The following EVI5 variants were observed in gnomAD, a reference collection of about 807,000 sequenced individuals.
EVI5 encodes the protein ecotropic viral integration site 5, also known as ecotropic viral integration site 5 protein homolog.
In EVI5, 73 loss-of-function variants were observed where a neutral mutation model predicts 112.0. The ratio of observed to expected loss-of-function variants is 0.65; its 90% CI spans 0.54 to 0.79. EVI5 has a LOEUF of 0.79. EVI5 is among the 30% of genes least tolerant of loss of function. EVI5 has a pLI of 0.00. For missense variants in EVI5, 900 were observed against 968.8 expected, an observed-to-expected ratio of 0.93 and a Z score of 0.94; for synonymous variants, 305 against 319.9, an observed-to-expected ratio of 0.95 and a Z score of 0.50.
chr1:92,609,993 C>T (rs1651398151), intron 16 of EVI5, among the ~76,000 whole-genome samples: 1 of 152,100 alleles, frequency 6.6e-6, no homozygotes, highest in African/African-American at 2.4e-5. Context: ...TCAAGCTATC[C>T]TCCCACCTCG....
chr1:92,560,836 A>G (rs1308428555), intron 19 of EVI5, among the ~76,000 whole-genome samples: 2 of 149,782 alleles, frequency 1.3e-5, no homozygotes, highest in Non-Finnish European at 3.0e-5. Flanking sequence ...AAGTGCTGGG[A>G]TTACAGGCAT....
intron 13 of EVI5, among the ~76,000 whole-genome samples, chr1:92,644,532 T>C (rs903334629): frequency 1.7e-4 from 26 of 152,178 alleles, no homozygotes; most frequent in African/African-American, 5.8e-4. Flanking sequence ...TATTTGTCCA[T>C]TCTGCTTGGT....
At chr1:92,598,533 A>G (rs947040826) in intron 18 of EVI5, among the ~76,000 whole-genome samples, 1 of 152,226 alleles carries the variant, frequency 6.6e-6, no homozygotes, top group African/African-American at 2.4e-5. Flanking sequence ...GGAGGTATTA[A>G]TAAAGTGAGA....
intron 1 of EVI5, among the ~76,000 whole-genome samples, chr1:92,774,452 A>T (rs1470563390): frequency 6.6e-6 from 1 of 152,238 alleles, no homozygotes; most frequent in Non-Finnish European, 1.5e-5. Context: ...AGACAACAGC[A>T]AATAATCATT....
intron 18 of EVI5, among the ~76,000 whole-genome samples, chr1:92,576,727 C>T (rs1671145185): frequency 6.6e-6 from 1 of 152,154 alleles, no homozygotes; most frequent in Admixed American, 6.5e-5. Context: ...ATTCTGGTTC[C>T]TAGTTCTGTC....
chr1:92,787,335 A>G (rs532952676), upstream of EVI5, among the ~76,000 whole-genome samples: 4 of 152,318 alleles, frequency 2.6e-5, no homozygotes, highest in South Asian at 2.1e-4. Flanking sequence ...TTCTTTGGGT[A>G]ACCTTTAAAA....
chr1:92,623,214 A>G (rs1327366980), intron 16 of EVI5, among the ~76,000 whole-genome samples: 1 of 152,222 alleles, frequency 6.6e-6, no homozygotes, highest in Non-Finnish European at 1.5e-5. Context: ...GAATAAAATA[A>G]CGTGTGGAAA....
At chr1:92,593,258 G>C (rs1282540475) in intron 18 of EVI5, among the ~76,000 whole-genome samples, 1 of 152,132 alleles carries the variant, frequency 6.6e-6, no homozygotes, top group East Asian at 1.9e-4. Flanking sequence ...ATGCAAGGCT[G>C]GTTCAACATA....
intron 19 of EVI5, among the ~76,000 whole-genome samples, chr1:92,527,706 T>C (rs1662165319): frequency 6.6e-6 from 1 of 152,188 alleles, no homozygotes; most frequent in South Asian, 2.1e-4. Context: ...TTTTGTCTAT[T>C]CTTGTATTTA....
At chr1:92,594,079 T>C (rs1674492621) in intron 18 of EVI5, among the ~76,000 whole-genome samples, 3 of 152,096 alleles carry the variant, frequency 2.0e-5, no homozygotes, top group South Asian at 2.1e-4. Flanking sequence ...AAAGTTCATA[T>C]GGAACCAAAA....
chr1:92,662,411 T>C (rs777216291), intron 13 of EVI5, among the ~76,000 whole-genome samples: 25 of 152,176 alleles, frequency 1.6e-4, no homozygotes, highest in Non-Finnish European at 3.5e-4. Context: ...TGAAAACAGA[T>C]TTCTAAAAAC....
At chr1:92,758,713 T>C (rs1184392308) in intron 1 of EVI5, among the ~76,000 whole-genome samples, 1 of 151,000 alleles carries the variant, frequency 6.6e-6, no homozygotes, top group Non-Finnish European at 1.5e-5. Context: ...ATGAAGAAAA[T>C]ACATCAAAAT....
intron 1 of EVI5, among the ~76,000 whole-genome samples, chr1:92,768,584 A>G (rs1336769097): frequency 6.6e-6 from 1 of 152,164 alleles, no homozygotes; most frequent in Non-Finnish European, 1.5e-5. Flanking sequence ...ATATTTAAAA[A>G]TCTTGGCTGG....
chr1:92,782,492 T>C (rs2103110658), intron 1 of EVI5, among the ~76,000 whole-genome samples: 1 of 151,992 alleles, frequency 6.6e-6, no homozygotes, highest in South Asian at 2.1e-4. Flanking sequence ...CAAGAGGAAA[T>C]ATAAATGGTC....
intron 10 of EVI5, among the ~76,000 whole-genome samples, chr1:92,670,019 G>A (rs1025946221): frequency 2.0e-5 from 3 of 152,104 alleles, no homozygotes; most frequent in Non-Finnish European, 2.9e-5. Flanking sequence ...ACTTAGTGTT[G>A]GCAAAGTAGT....
chr1:92,738,749 C>T (rs1230534687), intron 1 of EVI5, among the ~76,000 whole-genome samples: 1 of 152,114 alleles, frequency 6.6e-6, no homozygotes, highest in Non-Finnish European at 1.5e-5. Context: ...GTTTAATATT[C>T]ATAGAATCTA....
chr1:92,611,892 C>T (rs1326639823), intron 16 of EVI5, among the ~76,000 whole-genome samples: 1 of 150,992 alleles, frequency 6.6e-6, no homozygotes, highest in Non-Finnish European at 1.5e-5. Flanking sequence ...CGCACTCAAG[C>T]CTGGACAAAA....
intron 18 of EVI5, among the ~76,000 whole-genome samples, chr1:92,568,332 T>C (rs1050638355): frequency 2.8e-5 from 4 of 143,316 alleles, no homozygotes; most frequent in African/African-American, 1.1e-4. Context: ...GTTGTGTTCA[T>C]GTCGCTACAC....
At chr1:92,684,743 T>C (rs540337578) in intron 9 of EVI5, among the ~76,000 whole-genome samples, 5 of 149,738 alleles carry the variant, frequency 3.3e-5, no homozygotes, top group African/African-American at 9.8e-5. Flanking sequence ...AAAAAAAGCA[T>C]GGGTTGCAAT....
Sources: allele counts gnomAD v4.1 joint callset (sites outside exome capture counted in the v4.1 genomes callset), GRCh38; gene constraint gnomAD v4.1.1; transcripts MANE v1.5; gene names NCBI Gene and HGNC (gene_info 2026-07-23, HGNC 2026-07-21).